The following TAB2 variants were observed in gnomAD, a reference collection of about 807,000 sequenced individuals.
TAB2 encodes the protein TGF-beta-activated kinase 1 and MAP3K7-binding protein 2.
Under a neutral mutation model 65.0 loss-of-function variants are expected in TAB2, and 3 were observed. That is an observed-to-expected ratio of 0.05 (90% CI 0.02 to 0.12). The LOEUF (loss-of-function observed/expected upper bound fraction) is 0.12. Among genes scored for constraint, TAB2 ranks in the 10% least tolerant of loss-of-function variants. TAB2 has a pLI of 1.00. For missense variants in TAB2, 623 were observed against 840.3 expected (o/e 0.74, Z 3.20); for synonymous variants, 298 against 285.1 (o/e 1.05, Z -0.46).
chr6:149,344,202 T>C (rs972824127), intron 1 of TAB2, among the ~76,000 whole-genome samples: 3 of 152,202 alleles, frequency 2.0e-5, no homozygotes, highest in Non-Finnish European at 4.4e-5. Context: ...GAAGTAGAAA[T>C]TGAAGAAGGA....
intron 1 of TAB2, among the ~76,000 whole-genome samples, chr6:149,322,000 T>A (rs989551532): frequency 6.6e-6 from 1 of 152,168 alleles, no homozygotes; most frequent in East Asian, 1.9e-4. Flanking sequence ...AATCATGTAT[T>A]CCAGTTCAGA....
rs75358319 is a variant in TAB2, at chr6:149,352,246, A to C, written c.-89-17663A>C. Among the ~76,000 whole-genome samples, 1,339 of 152,248 alleles carry C rather than the reference A, an allele frequency of 8.8e-3. 17 individuals are homozygous for C. Among genetic ancestry groups the C allele is most frequent in the African/African-American group, 0.03 (1,244 of 41,552 alleles). ...TTTTCAGAAATTTACCTGCCCAAAA[A>C]CAGCTTTTATTTTATAATAAGCTTC... On this transcript the variant is annotated intron_variant, in intron 1 of 6. Transcript: ENST00000637181.
intron 1 of TAB2, among the ~76,000 whole-genome samples, chr6:149,219,219 A>G (rs1187604052): frequency 2.0e-5 from 3 of 152,030 alleles, no homozygotes; most frequent in African/African-American, 7.2e-5. Flanking sequence ...TCTGTTCTCA[A>G]TGAGGCAAGG....
upstream of TAB2, among the ~76,000 whole-genome samples, chr6:149,315,771 G>C (rs1352302773): frequency 6.6e-6 from 1 of 152,134 alleles, no homozygotes; most frequent in Non-Finnish European, 1.5e-5. Context: ...TTTGTCTGAT[G>C]CTTCCTCATG....
chr6:149,288,411 C>G (rs1039742066), intron 1 of TAB2, among the ~76,000 whole-genome samples: 3 of 152,162 alleles, frequency 2.0e-5, no homozygotes, highest in African/African-American at 7.2e-5. Context: ...TCCTCTGTGG[C>G]CCCGTTGTCT....
intron 6 of TAB2, among the ~76,000 whole-genome samples, chr6:149,403,289 C>CATATATATATATATATATAT (rs1343045796): frequency 6.2e-5 from 2 of 32,518 alleles, no homozygotes; most frequent in African/African-American, 2.6e-4. Context: ...TATATACACA[C>CATATATATATATATATATAT]ACACACATAT....
intron 1 of TAB2, among the ~76,000 whole-genome samples, chr6:149,258,416 T>TACACAC (rs56710457): frequency 0.016 from 2,274 of 146,268 alleles, 56 homozygotes; most frequent in Admixed American, 0.058. Context: ...CATGACTGCC[T>TACACAC]ACACACACAC....
chr6:149,366,175 T>C (rs1266393299), intron 1 of TAB2, among the ~76,000 whole-genome samples: 1 of 152,192 alleles, frequency 6.6e-6, no homozygotes, highest in Non-Finnish European at 1.5e-5. Flanking sequence ...TAGAACATTA[T>C]GAATGCCATG....
chr6:149,300,693 C>T (rs796757719), intron 1 of TAB2, among the ~76,000 whole-genome samples: 7 of 152,300 alleles, frequency 4.6e-5, no homozygotes, highest in African/African-American at 1.7e-4. Flanking sequence ...ACACCTTCCA[C>T]TGTGGTTAAA....
chr6:149,303,461 T>G (rs1233324262), intron 1 of TAB2, among the ~76,000 whole-genome samples: 1 of 152,202 alleles, frequency 6.6e-6, no homozygotes, highest in African/African-American at 2.4e-5. Flanking sequence ...ATATTTTGGT[T>G]GGAAAAATGT....
At chr6:149,402,199 A>G (rs1046071386) in intron 6 of TAB2, among the ~76,000 whole-genome samples, 1 of 152,068 alleles carries the variant, frequency 6.6e-6, no homozygotes, top group Non-Finnish European at 1.5e-5. Flanking sequence ...AGCTAGATAA[A>G]TTGAGAAAAA....
At chr6:149,230,129 G>A (rs1777371178) in intron 1 of TAB2, 1 of 152,154 alleles carries the variant, frequency 6.6e-6, no homozygotes, top group Admixed American at 6.5e-5. Flanking sequence ...ATACCTACTG[G>A]ATGAAACTGA....
chr6:149,353,012 G>T, intron 1 of TAB2, among the ~76,000 whole-genome samples: 1 of 152,222 alleles, frequency 6.6e-6, no homozygotes, highest in East Asian at 1.9e-4. Context: ...TTTGCTCTAA[G>T]ATTTACCTGT....
intron 1 of TAB2, among the ~76,000 whole-genome samples, chr6:149,240,394 C>T (rs1777575939): frequency 6.6e-6 from 1 of 152,148 alleles, no homozygotes; most frequent in South Asian, 2.1e-4. Context: ...ATTTCTGCAC[C>T]CACAGAATGC....
chr6:149,251,296 C>T (rs1355858021), intron 1 of TAB2, among the ~76,000 whole-genome samples: 2 of 152,142 alleles, frequency 1.3e-5, no homozygotes, highest in Non-Finnish European at 2.9e-5. Flanking sequence ...CCACCCTACC[C>T]TTCCTTTTCA....
At chr6:149,299,208 A>G (rs977246955) in intron 1 of TAB2, among the ~76,000 whole-genome samples, 3 of 152,236 alleles carry the variant, frequency 2.0e-5, no homozygotes, top group African/African-American at 4.8e-5. Context: ...GAAATGTTTA[A>G]TTCTGGTCAT....
At chr6:149,351,712 A>G (rs561640782) in intron 1 of TAB2, among the ~76,000 whole-genome samples, 20 of 152,198 alleles carry the variant, frequency 1.3e-4, no homozygotes, top group Admixed American at 1.1e-3. Flanking sequence ...AGTAAATAGC[A>G]TATTAAACTT....
intron 1 of TAB2, among the ~76,000 whole-genome samples, chr6:149,296,245 T>C (rs1778874550): frequency 6.6e-6 from 1 of 152,184 alleles, no homozygotes; most frequent in South Asian, 2.1e-4. Context: ...TTGTCTTGCT[T>C]GTGGTTGACC....
intron 1 of TAB2, among the ~76,000 whole-genome samples, chr6:149,337,551 A>G (rs1320324094): frequency 1.3e-5 from 2 of 152,234 alleles, no homozygotes; most frequent in Non-Finnish European, 1.5e-5. Context: ...ATGTGTTAAC[A>G]TAGAAAATTT....
Sources: allele counts gnomAD v4.1 joint callset (sites outside exome capture counted in the v4.1 genomes callset), GRCh38; gene constraint gnomAD v4.1.1; transcripts MANE v1.5; gene names NCBI Gene and HGNC (gene_info 2026-07-23, HGNC 2026-07-21).